Variants in CACNA2D3 observed in about 807,000 individuals in gnomAD.
CACNA2D3 encodes calcium voltage-gated channel auxiliary subunit alpha2delta 3.
CACNA2D3 carries 60 observed loss-of-function variants against 160.6 expected under a neutral mutation model. The ratio of observed to expected loss-of-function variants is 0.37; its 90% CI spans 0.30 to 0.46. The LOEUF (loss-of-function observed/expected upper bound fraction) is 0.46, where lower values mean the gene tolerates loss of function less well. CACNA2D3 is among the 20% of genes least tolerant of loss of function. The pLI, the probability that CACNA2D3 is intolerant of heterozygous loss-of-function variation, is 1.00. For missense variants in CACNA2D3, 1,205 were observed against 1,365.0 expected, an observed-to-expected ratio of 0.88 and a Z score of 1.85; for synonymous variants, 558 against 492.9, an observed-to-expected ratio of 1.13 and a Z score of -1.75.
chr3:54,838,765 A>G, intron 16 of CACNA2D3, 117 bp downstream of exon 16: 3 of 758,856 alleles, frequency 4.0e-6, no homozygotes, highest in Non-Finnish European at 7.0e-6. Context: ...CCACTATTAC[A>G]GCCTGTTAGC....
At chr3:54,366,331 A>G (rs1575417178) in intron 3 of CACNA2D3, among the ~76,000 whole-genome samples, 2 of 152,248 alleles carry the variant, frequency 1.3e-5, no homozygotes, top group Admixed American at 6.5e-5. Context: ...GCAGTGTTCA[A>G]TGATGATGGC....
intron 3 of CACNA2D3, among the ~76,000 whole-genome samples, chr3:54,335,268 G>A (rs531203478): frequency 6.6e-6 from 1 of 152,258 alleles, no homozygotes; most frequent in Admixed American, 6.5e-5. Context: ...AATTCAGGGC[G>A]AGTCCATAAA....
chr3:54,516,275 A>G (rs1275222601), intron 5 of CACNA2D3, among the ~76,000 whole-genome samples: 1 of 152,160 alleles, frequency 6.6e-6, no homozygotes, highest in Non-Finnish European at 1.5e-5. Flanking sequence ...GACCTTTCTT[A>G]TTTCTGAAGA....
chr3:54,861,882 G>A (rs1452914921), intron 17 of CACNA2D3, among the ~76,000 whole-genome samples: 1 of 152,168 alleles, frequency 6.6e-6, no homozygotes, highest in Non-Finnish European at 1.5e-5. Flanking sequence ...AGTCTTACAA[G>A]GGACATTTGG....
chr3:55,070,666 C>T (rs982177349), intron 35 of CACNA2D3, among the ~76,000 whole-genome samples: 3 of 152,170 alleles, frequency 2.0e-5, no homozygotes, highest in African/African-American at 4.8e-5. Flanking sequence ...ATTTTTCCAG[C>T]TTCTTGATTT....
rs1225114734 is a variant in CACNA2D3, at chr3:55,074,148, T to G, written c.3218T>G (p.Leu1073Arg). 6.2e-7 allele frequency: 1 copy of G among 1,613,776 alleles called. No homozygotes were observed. The highest frequency in any genetic ancestry group is 8.5e-7 in the Non-Finnish European group (1 of 1,179,856). ...NARECGGAPS[L>R]QAQTVLLLLP... ...AGGGAGTGTGGGGGTGCGCCGAGTC[T>G]CCAAGCCCAGACAGTCCTCCTTCTG... Residue 1073 changes from leucine (L) to arginine (R), a missense_variant, in exon 38 of 38, where the codon CTC (leucine) becomes CGC (arginine). Physicochemically the swap from Leu to Arg is moderately radical, Grantham distance 102. Coordinates refer to ENST00000474759, the MANE Select transcript of CACNA2D3 (RefSeq NM_018398.3).
intron 35 of CACNA2D3, among the ~76,000 whole-genome samples, chr3:55,025,899 C>T (rs112456275): frequency 0.012 from 1,834 of 151,638 alleles, 22 homozygotes; most frequent in Non-Finnish European, 0.021. Flanking sequence ...AATAAAGCCC[C>T]GGGAGTCTGG....
chr3:54,909,741 A>G (rs1700519336), intron 27 of CACNA2D3, among the ~76,000 whole-genome samples: 2 of 149,374 alleles, frequency 1.3e-5, no homozygotes, highest in Admixed American at 1.4e-4. Context: ...TGCAACATTT[A>G]CAAGTCAGGG....
intron 2 of CACNA2D3, among the ~76,000 whole-genome samples, chr3:54,303,970 G>C (rs1703539641): frequency 6.6e-6 from 1 of 152,010 alleles, no homozygotes; most frequent in Admixed American, 6.5e-5. Flanking sequence ...CACTGGGTTT[G>C]AGTCATCAGG....
At chr3:54,628,928 T>C (rs1411381626) in intron 10 of CACNA2D3, among the ~76,000 whole-genome samples, 1 of 152,086 alleles carries the variant, frequency 6.6e-6, no homozygotes, top group African/African-American at 2.4e-5. Flanking sequence ...GGACCTGTCC[T>C]GTGGAAGTTG....
rs76073701 is a variant in CACNA2D3 at position 54,896,720 on chromosome 3, A to G, written c.2247-29A>G. 1,356 of 1,613,912 alleles carry G rather than the reference A, an allele frequency of 8.4e-4. 14 individuals are homozygous for G. The African/African-American group carries it at 0.016, about 19-fold the overall frequency. ...CCACCTTTACTCTGCTGAGTGATGC[A>G]TGTTCTTCTGATTCTTTTCCACTTC... is the stretch of plus-strand genomic sequence containing the variant. On this transcript the variant is annotated intron_variant, in intron 25 of 37. Coordinates refer to ENST00000474759, the MANE Select transcript of CACNA2D3 (RefSeq NM_018398.3).
chr3:54,708,165 T>C (rs1364400854), intron 11 of CACNA2D3, among the ~76,000 whole-genome samples: 2 of 152,172 alleles, frequency 1.3e-5, no homozygotes, highest in African/African-American at 2.4e-5. Flanking sequence ...AAAGAACATA[T>C]AAAACCATCC....
intron 2 of CACNA2D3, among the ~76,000 whole-genome samples, chr3:54,245,966 C>T (rs1168966746): frequency 6.6e-6 from 1 of 152,244 alleles, no homozygotes; most frequent in African/African-American, 2.4e-5. Flanking sequence ...GATGGGATTA[C>T]AGGCGTGAGC....
At chr3:54,350,464 G>A (rs1295298400) in intron 3 of CACNA2D3, among the ~76,000 whole-genome samples, 2 of 152,174 alleles carry the variant, frequency 1.3e-5, no homozygotes, top group East Asian at 3.8e-4. Flanking sequence ...CTGAGTGTCA[G>A]TGCAAGTGGA....
chr3:54,375,223 G>A (rs1355493023), intron 3 of CACNA2D3, among the ~76,000 whole-genome samples: 2 of 152,170 alleles, frequency 1.3e-5, no homozygotes, highest in Non-Finnish European at 2.9e-5. Context: ...CCTTTATCAT[G>A]TTGTGTTGCA....
intron 5 of CACNA2D3, among the ~76,000 whole-genome samples, chr3:54,559,962 A>G (rs1575345841): frequency 1.3e-5 from 2 of 152,314 alleles, no homozygotes; most frequent in African/African-American, 4.8e-5. Flanking sequence ...TTCATGGTGT[A>G]TATGTGCCAC....
intron 4 of CACNA2D3, among the ~76,000 whole-genome samples, chr3:54,486,242 C>G (rs1701014066): frequency 6.6e-6 from 1 of 152,202 alleles, no homozygotes; most frequent in Admixed American, 6.5e-5. Flanking sequence ...CCCTTCCTGA[C>G]AGCTGGTTGC....
intron 14 of CACNA2D3, among the ~76,000 whole-genome samples, chr3:54,828,670 TAAG>T (rs1456210651): frequency 6.6e-6 from 1 of 152,200 alleles, no homozygotes; most frequent in Non-Finnish European, 1.5e-5. Flanking sequence ...TTCAGTTTGT[TAAG>T]AAGAGAAAGA....
Position 54,739,454 on chromosome 3 carries a change from CCACACA to C in CACNA2D3, c.1168-13132_1168-13127del, listed in dbSNP as rs371963374. 1.4e-4 allele frequency among the ~76,000 whole-genome samples: 19 copies of C among 137,486 alleles called. 1 individual carries two copies. Among genetic ancestry groups the C allele is most frequent in the South Asian group, 7.0e-4 (3 of 4,310 alleles). The allele number at this position is 137,486 out of a possible 152,430, so 90.2% of individuals were successfully genotyped here. ...AAAAAAAAAAAAACAAAAAAAAAAA[CCACACA>C]CACACACACACAAACAAAAAATAAC... On this transcript the variant is annotated intron_variant, in intron 11 of 37. Transcript: ENST00000474759.
Sources: gnomAD v4.1 joint callset for allele counts (sites outside exome capture counted in the v4.1 genomes callset) on GRCh38, gnomAD v4.1.1 for gene constraint, MANE v1.5 for transcripts, NCBI Gene and HGNC (gene_info 2026-07-23, HGNC 2026-07-21) for gene names.